LMO3: variants seen among roughly 807,000 people sequenced by gnomAD.
The protein encoded by LMO3 is LIM domain only 3.
LMO3 carries 2 observed loss-of-function variants against 15.8 expected under a neutral mutation model. The ratio of observed to expected loss-of-function variants is 0.13; its 90% confidence interval spans 0.05 to 0.40. The LOEUF (loss-of-function observed/expected upper bound fraction) is 0.40. Among genes scored for constraint, LMO3 ranks in the 10% least tolerant of loss-of-function variants. The probability of loss-of-function intolerance (pLI) is 0.99; values close to 1 mark genes in which losing one functional copy is unlikely to be tolerated. For synonymous variants in LMO3, 62 were observed against 63.8 expected, an observed-to-expected ratio of 0.97 and a Z score of 0.13; for missense variants, 86 against 182.2, an observed-to-expected ratio of 0.47 and a Z score of 3.04.
chr12:16,605,961 G>A (rs1460349927), intron 1 of LMO3, 105 bp downstream of exon 1: 1 of 764,372 alleles, frequency 1.3e-6, no homozygotes, highest in Non-Finnish European at 2.1e-6. Context: ...CATTAGCAGA[G>A]GTTGGGGAAG....
chr12:16,595,449 T>C (rs966237985), intron 2 of LMO3, among the ~76,000 whole-genome samples: 1 of 151,408 alleles, frequency 6.6e-6, no homozygotes, highest in Non-Finnish European at 1.5e-5. Context: ...GGAAGTCTAA[T>C]GTGAATTCAC....
At chr12:16,570,927 G>C (rs1264855095) in intron 2 of LMO3, among the ~76,000 whole-genome samples, 1 of 152,036 alleles carries the variant, frequency 6.6e-6, no homozygotes, top group Non-Finnish European at 1.5e-5. Flanking sequence ...TGCTGTGTAG[G>C]AGAATAATGT....
rs963481715 is a variant in LMO3, at chr12:16,596,955, A to G, written c.206+3700T>C. ...TGCATTGGATAGATTTTTAACAGAT[A>G]CATTTCTTGGTCTGCCTGGCATATA... On this transcript the variant is annotated intron_variant, in intron 2 of 3. Transcript: ENST00000537304. The surrounding 1 kb of genome is among the most constrained non-coding windows in gnomAD (Gnocchi z 4.3). Among the ~76,000 whole-genome samples the G allele has an allele frequency of 2.6e-5, 4 of 151,798 alleles. No homozygotes were observed. The highest frequency in any genetic ancestry group is 7.2e-5 in the African/African-American group (3 of 41,440).
At chr12:16,600,109 C>G (rs1334915458) in intron 2 of LMO3, 1 of 152,552 alleles carries the variant, frequency 6.6e-6, no homozygotes, top group Non-Finnish European at 1.5e-5. Flanking sequence ...ACACCTGAAA[C>G]AGAGAAGACA....
At chr12:16,579,578 A>G (rs1943096799) in intron 2 of LMO3, among the ~76,000 whole-genome samples, 1 of 152,194 alleles carries the variant, frequency 6.6e-6, no homozygotes, top group Admixed American at 6.5e-5. Flanking sequence ...AATCTTAGCC[A>G]GGGTAATGGC....
chr12:16,601,116 T>C (rs1236631004), intron 1 of LMO3, among the ~76,000 whole-genome samples: 1 of 152,142 alleles, frequency 6.6e-6, no homozygotes, highest in East Asian at 1.9e-4. Flanking sequence ...CCATGGTAAA[T>C]TGACATTATA....
At chr12:16,588,673 TTGAGA>T (rs1277462867) in intron 2 of LMO3, among the ~76,000 whole-genome samples, 5 of 152,088 alleles carry the variant, frequency 3.3e-5, no homozygotes, top group African/African-American at 1.2e-4. Context: ...ATCTCCAGTG[TTGAGA>T]TATTTTTTCC....
rs150987329 is a variant in LMO3, at chr12:16,592,618, A to C, written c.206+8037T>G. On this transcript the variant is annotated intron_variant, in intron 2 of 3. Transcript: ENST00000537304. ...TAAAGGAACAGGTACTGATCCACTC[A>C]TGTTACCAACTTTATACATAGATAT... 2.4e-4 allele frequency among the ~76,000 whole-genome samples: 36 copies of C among 152,074 alleles called. No homozygotes were observed. In the East Asian group the frequency reaches 6.6e-3, roughly 28 times the overall value.
At position 16,551,959 on chromosome 12, in the gene LMO3, T is replaced by C. The variant is rs979691548; in HGVS notation, c.333-632A>G. On this transcript the variant is annotated intron_variant, in intron 3 of 3. Coordinates refer to ENST00000537304, the MANE Select transcript of LMO3 (RefSeq NM_018640.5). ...AAGTTCACCAACATGAAATAGTAGA[T>C]GTCATTTCTTAGAGCACTTCCAATT... Among the ~76,000 whole-genome samples, 4 of 152,148 alleles carry C rather than the reference T, an allele frequency of 2.6e-5. No homozygotes were observed. The South Asian group carries it at 6.2e-4, about 24-fold the overall frequency.
chr12:16,602,262 ACCT>A (rs1943845431), intron 1 of LMO3: 3 of 152,092 alleles, frequency 2.0e-5, no homozygotes, highest in Admixed American at 2.0e-4. Flanking sequence ...AAACAGCTAA[ACCT>A]CCTCCAGTTT....
chr12:16,572,907 T>C (rs995884068), intron 2 of LMO3, among the ~76,000 whole-genome samples: 1 of 151,612 alleles, frequency 6.6e-6, no homozygotes, highest in East Asian at 1.9e-4. Flanking sequence ...TTTTTAACAG[T>C]TTGATAACAG....
intron 2 of LMO3, among the ~76,000 whole-genome samples, chr12:16,561,306 C>A (rs763487013): frequency 2.0e-5 from 3 of 152,116 alleles, no homozygotes; most frequent in Non-Finnish European, 4.4e-5. Context: ...TCCATTTGCA[C>A]TGGCAATATT....
chr12:16,587,832 C>T lies in LMO3; in HGVS notation c.206+12823G>A, dbSNP rs972047877. ...GGGGTTTCAGGGGGAGGGAGAGGAA[C>T]CTTGTCTCATATTAATGCTGCCAGT... On this transcript the variant is annotated intron_variant, in intron 2 of 3. Transcript: ENST00000537304. The surrounding 1 kb of genome is among the most constrained non-coding windows in gnomAD (Gnocchi z 4.3). Among the ~76,000 whole-genome samples, 3 of 151,942 alleles carry T rather than the reference C, an allele frequency of 2.0e-5. No individual in the cohort carries two copies. The highest frequency in any genetic ancestry group is 2.9e-5 in the Non-Finnish European group (2 of 67,984).
At position 16,589,762 on chromosome 12, in the gene LMO3, A is replaced by C. The variant is rs951039828; in HGVS notation, c.206+10893T>G. ...AGACGAGGATCACCAAGTGATTAGG[A>C]ATATAGGTTCCTCAACTCAATCTGG... On this transcript the variant is annotated intron_variant, in intron 2 of 3. Coordinates refer to ENST00000537304, the MANE Select transcript of LMO3 (RefSeq NM_018640.5). The surrounding 1 kb of genome is among the most constrained non-coding windows in gnomAD (Gnocchi z 4.2). 2.0e-5 allele frequency among the ~76,000 whole-genome samples: 3 copies of C among 152,064 alleles called. No homozygotes were observed. In the East Asian group the frequency reaches 5.8e-4, roughly 29 times the overall value.
intron 2 of LMO3, among the ~76,000 whole-genome samples, chr12:16,561,876 T>G (rs1402784414): frequency 1.3e-5 from 2 of 152,206 alleles, no homozygotes; most frequent in African/African-American, 2.4e-5. Flanking sequence ...AAATGCATTT[T>G]AAAGACTTTG....
chr12:16,570,881 C>G (rs1942791208), intron 2 of LMO3, among the ~76,000 whole-genome samples: 1 of 152,018 alleles, frequency 6.6e-6, no homozygotes, highest in South Asian at 2.1e-4. Context: ...AACATTTCTT[C>G]TAGGGTTAAT....
rs1019549668 is a variant in LMO3, at chr12:16,550,024, G to C, written c.*1198C>G. ...TTTTTGAACATTAAAATAAATGTCA[G>C]GTAAATACAGAAAAATATATAATCA... is the stretch of plus-strand genomic sequence containing the variant. On this transcript the variant is annotated 3_prime_UTR_variant, in exon 4 of 4. Transcript: ENST00000537304. 2.0e-5 allele frequency: 3 copies of C among 151,954 alleles called. No individual in the cohort carries two copies. The highest frequency in any genetic ancestry group is 4.4e-5 in the Non-Finnish European group (3 of 67,916). 9.4% of individuals were successfully genotyped at this position (151,954 alleles called of 1,614,324 possible).
Position 16,597,216 on chromosome 12 carries a change from G to A in LMO3, c.206+3439C>T, listed in dbSNP as rs774944496. On this transcript the variant is annotated intron_variant, in intron 2 of 3. Transcript: ENST00000537304. The surrounding 1 kb of genome is among the most constrained non-coding windows in gnomAD (Gnocchi z 5.0). ...CCACTGTTAAGATTTGATACTTAGTGTACAAACTATGGAAGATTTTTCTTT... is the reference window on the plus strand; with the variant it reads ...CCACTGTTAAGATTTGATACTTAGTATACAAACTATGGAAGATTTTTCTTT... Among the ~76,000 whole-genome samples, 1 of 151,588 alleles carries A rather than the reference G, an allele frequency of 6.6e-6. No homozygotes were observed. The highest frequency in any genetic ancestry group is 1.5e-5 in the Non-Finnish European group (1 of 67,688).
intron 2 of LMO3, among the ~76,000 whole-genome samples, chr12:16,574,559 AG>A (rs1225126152): frequency 8.5e-5 from 13 of 152,176 alleles, no homozygotes; most frequent in Admixed American, 7.2e-4. Context: ...TGTTTTAGGT[AG>A]GGGATAAAAG....
Sources: allele counts gnomAD v4.1 joint callset (sites outside exome capture counted in the v4.1 genomes callset), GRCh38; gene constraint gnomAD v4.1.1; non-coding constraint Gnocchi (gnomAD v3.1); transcripts MANE v1.5; gene names NCBI Gene and HGNC (gene_info 2026-07-23, HGNC 2026-07-21).